The following RPS6KC1 variants were observed in gnomAD, a reference collection of about 807,000 sequenced individuals.
RPS6KC1 encodes the protein inactive ribosomal protein S6 kinase delta-1.
Under a neutral mutation model 103.8 loss-of-function variants are expected in RPS6KC1, and 54 were observed. That is an observed-to-expected ratio of 0.52 (90% CI 0.42 to 0.65). The LOEUF (loss-of-function observed/expected upper bound fraction) is 0.65, where lower values mean the gene tolerates loss of function less well. RPS6KC1 is among the 30% of genes least tolerant of loss of function. The pLI is 0.00. For synonymous variants in RPS6KC1, 439 were observed against 438.7 expected (o/e 1.00, Z -0.01); for missense variants, 1,151 against 1,253.8 (o/e 0.92, Z 1.24).
chr1:213,064,099 C>T (rs988351132), intron 1 of RPS6KC1, among the ~76,000 whole-genome samples: 1 of 152,114 alleles, frequency 6.6e-6, no homozygotes, highest in African/African-American at 2.4e-5. Flanking sequence ...CTTGGTCACC[C>T]AGGCTGGAGT....
chr1:213,557,251 G>T, the RPS6KC1 span, among the ~76,000 whole-genome samples: 1 of 152,194 alleles, frequency 6.6e-6, no homozygotes, highest in Non-Finnish European at 1.5e-5. Flanking sequence ...ACTTTCTAGT[G>T]TATGCTCTGA....
At chr1:213,781,993 T>C in the RPS6KC1 span, among the ~76,000 whole-genome samples, 1 of 152,210 alleles carries the variant, frequency 6.6e-6, no homozygotes, top group Non-Finnish European at 1.5e-5. Flanking sequence ...ACTCTATAGC[T>C]AACCAAAATT....
At chr1:213,290,161 A>G in the RPS6KC1 span, among the ~76,000 whole-genome samples, 1 of 151,636 alleles carries the variant, frequency 6.6e-6, no homozygotes, top group African/African-American at 2.4e-5. Flanking sequence ...AAAAAAAAAA[A>G]AAAAAAAGAA....
At chr1:213,499,034 C>T in the RPS6KC1 span, among the ~76,000 whole-genome samples, 1 of 152,004 alleles carries the variant, frequency 6.6e-6, no homozygotes, top group Non-Finnish European at 1.5e-5. Context: ...CCTGTCTCAG[C>T]CTCCCAAAGT....
intron 5 of RPS6KC1, chr1:213,125,729 AT>A (rs1345669721): frequency 2.0e-5 from 3 of 151,598 alleles, no homozygotes; most frequent in Non-Finnish European, 4.4e-5. Flanking sequence ...TTTGTATAGA[AT>A]GTTTATTTAC....
the RPS6KC1 span, among the ~76,000 whole-genome samples, chr1:213,439,083 T>C: frequency 6.6e-6 from 1 of 152,160 alleles, no homozygotes; most frequent in Non-Finnish European, 1.5e-5. Flanking sequence ...TGTGAGCCAC[T>C]GCGCCTGGCC....
At chr1:213,417,042 C>T in the RPS6KC1 span, among the ~76,000 whole-genome samples, 96 of 152,210 alleles carry the variant, frequency 6.3e-4, no homozygotes, top group East Asian at 0.011. Context: ...TTCTGTCTGC[C>T]GGGAACAGAT....
the RPS6KC1 span, among the ~76,000 whole-genome samples, chr1:213,425,573 T>C: frequency 6.6e-6 from 1 of 152,200 alleles, no homozygotes; most frequent in Non-Finnish European, 1.5e-5. Context: ...TCAATCAGAC[T>C]ATTAGCTTCG....
chr1:213,191,451 C>T (rs960023699), intron 8 of RPS6KC1, among the ~76,000 whole-genome samples: 6 of 152,122 alleles, frequency 3.9e-5, no homozygotes, highest in Admixed American at 2.6e-4. Context: ...TTGCTGTTGG[C>T]GTATAGACAT....
Position 213,190,703 on chromosome 1 carries a change from G to A in RPS6KC1, c.1044+14211G>A, listed in dbSNP as rs539413929. On this transcript the variant is annotated intron_variant, in intron 8 of 14. Transcript: ENST00000366960. ...TGCTTTGGTTGCCTGCGCTTGTAGC[G>A]TATTACTCAATAAATTTTTGCCCAT... 1.1e-4 allele frequency among the ~76,000 whole-genome samples: 16 copies of A among 152,234 alleles called. No homozygotes were observed. In the East Asian group the frequency reaches 2.1e-3, roughly 20 times the overall value.
At chr1:213,289,892 A>G in the RPS6KC1 span, among the ~76,000 whole-genome samples, 1 of 152,084 alleles carries the variant, frequency 6.6e-6, no homozygotes, top group Non-Finnish European at 1.5e-5. Flanking sequence ...TACAAAATTT[A>G]GCTGGGCGTG....
chr1:213,052,047 A>T (rs2076990478), intron 1 of RPS6KC1, among the ~76,000 whole-genome samples: 1 of 151,962 alleles, frequency 6.6e-6, no homozygotes. Flanking sequence ...TTTCAGTAGG[A>T]GACGTGAAAA....
intron 12 of RPS6KC1, among the ~76,000 whole-genome samples, chr1:213,244,198 T>TAA (rs533926227): frequency 6.8e-6 from 1 of 146,096 alleles, no homozygotes; most frequent in Admixed American, 6.8e-5. Context: ...GTTACTCGAT[T>TAA]AAAAAAAAAA....
chr1:213,598,674 T>C, the RPS6KC1 span, among the ~76,000 whole-genome samples: 3,768 of 152,194 alleles, frequency 0.025, 161 homozygotes, highest in African/African-American at 0.086. Context: ...TCTCAGCACT[T>C]TGGGAGGCCG....
chr1:213,857,577 C>T, the RPS6KC1 span, among the ~76,000 whole-genome samples: 1 of 152,164 alleles, frequency 6.6e-6, no homozygotes, highest in Non-Finnish European at 1.5e-5. Flanking sequence ...CTGTGGAGTG[C>T]AACCACTAGG....
At chr1:213,112,000 A>G (rs748545326) in intron 4 of RPS6KC1, among the ~76,000 whole-genome samples, 1 of 152,230 alleles carries the variant, frequency 6.6e-6, no homozygotes, top group Non-Finnish European at 1.5e-5. Flanking sequence ...TTTAGTTCAC[A>G]TAACACTAAG....
At chr1:213,236,331 T>A (rs1407038722) in intron 10 of RPS6KC1, among the ~76,000 whole-genome samples, 1 of 152,190 alleles carries the variant, frequency 6.6e-6, no homozygotes, top group Non-Finnish European at 1.5e-5. Flanking sequence ...ACGGCATGAT[T>A]CTGTTTTACA....
the RPS6KC1 span, among the ~76,000 whole-genome samples, chr1:213,411,975 C>T: frequency 6.6e-6 from 1 of 152,168 alleles, no homozygotes; most frequent in Admixed American, 6.5e-5. Context: ...TCATATTGGC[C>T]TCCCTGCATA....
At chr1:213,545,210 A>AC in the RPS6KC1 span, among the ~76,000 whole-genome samples, 1 of 151,944 alleles carries the variant, frequency 6.6e-6, no homozygotes, top group African/African-American at 2.4e-5. Flanking sequence ...TATGAAAAAT[A>AC]CAAAAAAAAC....
Sources: gnomAD v4.1 joint callset for allele counts (sites outside exome capture counted in the v4.1 genomes callset) on GRCh38, gnomAD v4.1.1 for gene constraint, MANE v1.5 for transcripts, NCBI Gene and HGNC (gene_info 2026-07-23, HGNC 2026-07-21) for gene names.